Variants in RANBP17 observed in about 807,000 individuals in gnomAD.
RANBP17 encodes the protein ran-binding protein 17.
Under a neutral mutation model 141.2 loss-of-function variants are expected in RANBP17, and 158 were observed. That is an observed-to-expected ratio of 1.12 (90% CI 0.98 to 1.28). The LOEUF is 1.28. RANBP17 is among the 50% of genes most tolerant of loss of function. The pLI, the probability that RANBP17 is intolerant of heterozygous loss-of-function variation, is 0.00. For synonymous variants in RANBP17, 430 were observed against 450.0 expected (o/e 0.96, Z 0.56); for missense variants, 1,438 against 1,290.7 (o/e 1.11, Z -1.75).
intron 14 of RANBP17, among the ~76,000 whole-genome samples, chr5:171,026,240 A>G (rs1411511285): frequency 1.3e-5 from 2 of 152,202 alleles, no homozygotes; most frequent in African/African-American, 4.8e-5. Context: ...TACATACACA[A>G]TCTTATTTTA....
chr5:171,211,219 T>C (rs555177521), intron 20 of RANBP17, among the ~76,000 whole-genome samples: 32 of 152,222 alleles, frequency 2.1e-4, no homozygotes, highest in African/African-American at 7.5e-4. Flanking sequence ...TATTCTCACA[T>C]ATACACTCTC....
At chr5:171,092,415 A>G (rs775315395) in intron 14 of RANBP17, among the ~76,000 whole-genome samples, 5 of 152,230 alleles carry the variant, frequency 3.3e-5, no homozygotes, top group Non-Finnish European at 5.9e-5. Flanking sequence ...GCTCTGTGTT[A>G]TATTTACTTC....
At chr5:170,912,988 A>T (rs1370036445) in intron 7 of RANBP17, among the ~76,000 whole-genome samples, 1 of 151,986 alleles carries the variant, frequency 6.6e-6, no homozygotes, top group Non-Finnish European at 1.5e-5. Context: ...GTCTCCTCCT[A>T]CAGAGGATTG....
chr5:171,278,774 G>A (rs546960097), intron 25 of RANBP17, among the ~76,000 whole-genome samples: 88 of 152,312 alleles, frequency 5.8e-4, no homozygotes, highest in Non-Finnish European at 8.8e-4. Context: ...GTCTGGGGGT[G>A]AAACTACCCC....
intron 14 of RANBP17, among the ~76,000 whole-genome samples, chr5:171,064,363 A>C (rs1193935713): frequency 6.6e-6 from 1 of 152,228 alleles, no homozygotes; most frequent in Non-Finnish European, 1.5e-5. Flanking sequence ...TTGATGGGTG[A>C]AAAAATTGAC....
intron 22 of RANBP17, among the ~76,000 whole-genome samples, chr5:171,231,519 A>G (rs1040838416): frequency 6.6e-6 from 1 of 152,176 alleles, no homozygotes; most frequent in Non-Finnish European, 1.5e-5. Flanking sequence ...ACATTCCCCA[A>G]TACCTAATTC....
chr5:171,138,879 T>G (rs1012169890), intron 14 of RANBP17, among the ~76,000 whole-genome samples: 1 of 152,126 alleles, frequency 6.6e-6, no homozygotes, highest in Non-Finnish European at 1.5e-5. Context: ...AATTCAAGAC[T>G]ATCCCGGACA....
At chr5:170,955,532 A>G (rs1775569776) in intron 13 of RANBP17, among the ~76,000 whole-genome samples, 2 of 110,754 alleles carry the variant, frequency 1.8e-5, no homozygotes, top group South Asian at 8.3e-4. Context: ...CAGTCTGTGT[A>G]TATATATATA....
At chr5:171,261,102 C>CA (rs1766298403) in intron 24 of RANBP17, among the ~76,000 whole-genome samples, 13 of 21,572 alleles carry the variant, frequency 6.0e-4, no homozygotes, top group Admixed American at 1.6e-3. Context: ...AAAAAAAAAA[C>CA]CAAAAGAAAA....
chr5:170,986,669 G>A (rs1270179468), intron 14 of RANBP17, among the ~76,000 whole-genome samples: 1 of 151,676 alleles, frequency 6.6e-6, no homozygotes, highest in African/African-American at 2.4e-5. Context: ...AATAAAAACG[G>A]GGAATTATCT....
intron 12 of RANBP17, among the ~76,000 whole-genome samples, chr5:170,939,801 C>T (rs961413519): frequency 6.6e-6 from 1 of 152,012 alleles, no homozygotes; most frequent in African/African-American, 2.4e-5. Context: ...GAGAGAGAGT[C>T]GGGGGAGTGA....
At chr5:171,257,317 G>A (rs1053951055) in intron 24 of RANBP17, among the ~76,000 whole-genome samples, 13 of 152,096 alleles carry the variant, frequency 8.5e-5, no homozygotes, top group Non-Finnish European at 1.9e-4. Context: ...AACCCATATC[G>A]TCATCTGAAT....
At chr5:170,981,353 G>T (rs1015677945) in intron 14 of RANBP17, among the ~76,000 whole-genome samples, 1 of 152,112 alleles carries the variant, frequency 6.6e-6, no homozygotes, top group South Asian at 2.1e-4. Flanking sequence ...ATTTGGAAGG[G>T]GCCAGGAGTG....
intron 12 of RANBP17, among the ~76,000 whole-genome samples, chr5:170,947,018 G>A (rs1253931105): frequency 1.3e-5 from 2 of 152,142 alleles, no homozygotes; most frequent in East Asian, 3.9e-4. Context: ...GTGACTGAGA[G>A]TATTGATTTT....
intron 12 of RANBP17, among the ~76,000 whole-genome samples, chr5:170,945,249 A>C (rs1774656016): frequency 6.6e-6 from 1 of 152,210 alleles, no homozygotes; most frequent in African/African-American, 2.4e-5. Context: ...AGAGGAAAGA[A>C]CTTAAAAATT....
intron 14 of RANBP17, among the ~76,000 whole-genome samples, chr5:171,091,964 T>C (rs1786324499): frequency 6.6e-6 from 1 of 152,168 alleles, no homozygotes; most frequent in Non-Finnish European, 1.5e-5. Context: ...CAGGGCCAAC[T>C]GCAGGACTGG....
intron 16 of RANBP17, among the ~76,000 whole-genome samples, chr5:171,175,433 C>G (rs914025949): frequency 5.7e-4 from 87 of 152,276 alleles, no homozygotes; most frequent in African/African-American, 2.1e-3. Flanking sequence ...TGTTTCTCCA[C>G]ATCCTCTCCA....
intron 14 of RANBP17, among the ~76,000 whole-genome samples, chr5:171,015,206 A>C (rs77685547): frequency 0.011 from 1,681 of 152,070 alleles, 26 homozygotes; most frequent in African/African-American, 0.039. Context: ...TCATTTGTAA[A>C]ATTTGGAAAA....
intron 1 of RANBP17, among the ~76,000 whole-genome samples, chr5:170,876,215 T>C (rs939707279): frequency 1.3e-5 from 2 of 152,054 alleles, no homozygotes; most frequent in African/African-American, 4.8e-5. Context: ...GGTGGGCCAA[T>C]GTACCACCTT....
Sources: allele counts gnomAD v4.1 joint callset (sites outside exome capture counted in the v4.1 genomes callset), GRCh38; gene constraint gnomAD v4.1.1; transcripts MANE v1.5; gene names NCBI Gene and HGNC (gene_info 2026-07-23, HGNC 2026-07-21).